ATF7: variants seen among roughly 807,000 people sequenced by gnomAD.
ATF7 encodes the protein cyclic AMP-dependent transcription factor ATF-7.
ATF7 carries 10 observed loss-of-function variants against 50.4 expected under a neutral mutation model. That is an observed-to-expected ratio of 0.20 (90% CI 0.12 to 0.34). The LOEUF is 0.34. Among genes scored for constraint, ATF7 ranks in the 10% least tolerant of loss-of-function variants. The pLI, the probability that ATF7 is intolerant of heterozygous loss-of-function variation, is 1.00. For synonymous variants in ATF7, 201 were observed against 226.4 expected (o/e 0.89, Z 1.01); for missense variants, 465 against 613.9 (o/e 0.76, Z 2.56).
intron 4 of ATF7, chr12:53,542,961 A>C (rs894559890): frequency 8.8e-7 from 1 of 1,141,232 alleles, no homozygotes; most frequent in Non-Finnish European, 1.1e-6. Context: ...TGATCAGCTC[A>C]GAAAAGAGTG....
chr12:53,531,915 A>C lies in ATF7; in HGVS notation c.775-19T>G. 6.2e-7 allele frequency: 1 copy of C among 1,612,376 alleles called. No individual in the cohort carries two copies. The highest frequency in any genetic ancestry group is 8.5e-7 in the Non-Finnish European group (1 of 1,179,442). On this transcript the variant is annotated intron_variant, in intron 8 of 11. Transcript: ENST00000420353. Reference sequence around the variant, plus strand: ...TCAGTCTCTGTGGGCAAAGATAAGAAAAAATGCTTGTTAAGGATCAGATTC... The same window carrying C: ...TCAGTCTCTGTGGGCAAAGATAAGACAAAATGCTTGTTAAGGATCAGATTC...
At chr12:53,601,245 C>T (rs1352228720) in intron 1 of ATF7, among the ~76,000 whole-genome samples, 4 of 152,142 alleles carry the variant, frequency 2.6e-5, no homozygotes, top group African/African-American at 4.8e-5. Flanking sequence ...TCTAAATAGT[C>T]AAGGAATTTC....
At chr12:53,586,390 G>A (rs888775634) in intron 2 of ATF7, among the ~76,000 whole-genome samples, 1 of 146,868 alleles carries the variant, frequency 6.8e-6, no homozygotes, top group South Asian at 2.2e-4. Context: ...AAAAATTAAT[G>A]TGCATAGATT....
chr12:53,537,219 C>A (rs1337753137), intron 5 of ATF7, among the ~76,000 whole-genome samples, 196 bp downstream of exon 5: 1 of 151,972 alleles, frequency 6.6e-6, no homozygotes, highest in Non-Finnish European at 1.5e-5. Context: ...CAGGCATGCT[C>A]CACCACGCCC....
chr12:53,570,018 G>C (rs1222717986), intron 2 of ATF7, among the ~76,000 whole-genome samples: 2 of 152,138 alleles, frequency 1.3e-5, no homozygotes, highest in African/African-American at 2.4e-5. Context: ...AGAGGCTTAT[G>C]AAGGTCTGAT....
rs1388983098 is a variant in ATF7, at chr12:53,513,467, C to T, written c.*3670G>A. On this transcript the variant is annotated 3_prime_UTR_variant, in exon 12 of 12. Transcript: ENST00000420353. ...ATCTGCCTTAGGATCCCCACCTTTCCTGTTCTTCCAGACACCCCCACCCCC... is the reference window on the plus strand; with the variant it reads ...ATCTGCCTTAGGATCCCCACCTTTCTTGTTCTTCCAGACACCCCCACCCCC... 6.6e-6 allele frequency: 1 copy of T among 152,110 alleles called. No individual in the cohort carries two copies. Among genetic ancestry groups the T allele is most frequent in the Non-Finnish European group, 1.5e-5 (1 of 68,024 alleles). 9.4% of individuals were successfully genotyped at this position (152,110 alleles called of 1,614,324 possible).
Position 53,531,336 on chromosome 12 carries a change from C to T in ATF7, c.927+408G>A, listed in dbSNP as rs189504531. Among the ~76,000 whole-genome samples the T allele has an allele frequency of 1.5e-3, 225 of 151,368 alleles. 1 individual carries two copies. Among genetic ancestry groups the T allele is most frequent in the Middle Eastern group, 3.4e-3 (1 of 294 alleles). On this transcript the variant is annotated intron_variant, in intron 9 of 11. Coordinates refer to ENST00000420353, the MANE Select transcript of ATF7 (RefSeq NM_006856.3). The stretch of plus-strand genomic sequence containing the variant: ...ACTCGGGAGGCTGAGGCAGAAGAAT[C>T]GCTTGAACCCGGGGGGCAGAGGTTG...
chr12:53,573,032 G>A (rs1304964447), intron 2 of ATF7, among the ~76,000 whole-genome samples: 2 of 147,218 alleles, frequency 1.4e-5, no homozygotes, highest in African/African-American at 5.1e-5. Context: ...TGATCTGCCC[G>A]CCTCGGCCTC....
chr12:53,587,095 G>A (rs1244473695), intron 2 of ATF7, among the ~76,000 whole-genome samples: 2 of 152,144 alleles, frequency 1.3e-5, no homozygotes, highest in South Asian at 2.1e-4. Context: ...TGCTGGGCAC[G>A]GTGGCTCACG....
chr12:53,580,180 C>G (rs1189059464), intron 2 of ATF7, among the ~76,000 whole-genome samples: 3 of 151,480 alleles, frequency 2.0e-5, no homozygotes, highest in Admixed American at 2.0e-4. Flanking sequence ...ATCCACCTGC[C>G]TTGGCCTCCC....
chr12:53,583,048 A>G (rs1406989907), intron 2 of ATF7, among the ~76,000 whole-genome samples: 3 of 152,216 alleles, frequency 2.0e-5, no homozygotes, highest in Non-Finnish European at 2.9e-5. Context: ...AAAAAAATGA[A>G]TCTAGACACA....
At chr12:53,552,774 G>C in intron 2 of ATF7, 137 bp from the exon 3 acceptor site, 2 of 670,524 alleles carry the variant, frequency 3.0e-6, no homozygotes, top group Non-Finnish European at 5.2e-6. Flanking sequence ...GAAAAAACTG[G>C]AAGAGGAGAA....
In ATF7 at chr12:53,531,730, T is replaced by C; in HGVS notation, c.927+14A>G. 6.2e-7 allele frequency: 1 copy of C among 1,605,162 alleles called. No individual in the cohort carries two copies. The highest frequency in any genetic ancestry group is 1.7e-4 in the Middle Eastern group (1 of 5,760). ...CGTCATAAAGATATGACATAAAGAG[T>C]AAGAGCCACTGACCTGTGGCTGGGC... is the stretch of plus-strand genomic sequence containing the variant. On this transcript the variant is annotated intron_variant, in intron 9 of 11. Transcript: ENST00000420353.
At chr12:53,549,717 C>T (rs923620552) in intron 3 of ATF7, among the ~76,000 whole-genome samples, 2 of 152,154 alleles carry the variant, frequency 1.3e-5, no homozygotes, top group Non-Finnish European at 2.9e-5. Context: ...TGCCGAGTAG[C>T]TGGGACTACA....
At chr12:53,535,483 A>G (rs1292963743) in intron 5 of ATF7, among the ~76,000 whole-genome samples, 1 of 152,104 alleles carries the variant, frequency 6.6e-6, no homozygotes, top group East Asian at 1.9e-4. Context: ...AACCACTGGC[A>G]GAGCAGTAGA....
intron 2 of ATF7, chr12:53,575,829 T>A (rs978297805): frequency 6.6e-6 from 1 of 152,646 alleles, no homozygotes; most frequent in African/African-American, 2.4e-5. Context: ...CAATTCTCAC[T>A]GCATATCAGA....
At chr12:53,619,411 C>T (rs1944280809) in intron 1 of ATF7, among the ~76,000 whole-genome samples, 1 of 147,230 alleles carries the variant, frequency 6.8e-6, no homozygotes, top group African/African-American at 2.5e-5. Flanking sequence ...TCCTTGAACC[C>T]AGGAGGCAGA....
intron 1 of ATF7, 84 bp from the exon 2 acceptor site, chr12:53,601,105 C>G (rs1943383934): frequency 9.8e-7 from 1 of 1,017,160 alleles, no homozygotes; most frequent in African/African-American, 1.6e-5. Context: ...AATATCAACC[C>G]TAGAAACAGG....
In ATF7 at chr12:53,580,473, G is replaced by T. The variant is rs561972070; in HGVS notation, c.48+20480C>A. Among the ~76,000 whole-genome samples, 151 of 149,770 alleles carry T rather than the reference G, an allele frequency of 1.0e-3. 4 individuals carry two copies. The highest frequency in any genetic ancestry group is 3.1e-4 in the Non-Finnish European group (21 of 67,478). On this transcript the variant is annotated intron_variant, in intron 2 of 11. Transcript: ENST00000420353. ...AGGTCAGGAGATCGAGACCATCCTG[G>T]CTAACACAGTGAAACCCCATCTCTA...
Sources: allele counts gnomAD v4.1 joint callset (sites outside exome capture counted in the v4.1 genomes callset), GRCh38; gene constraint gnomAD v4.1.1; transcripts MANE v1.5; gene names NCBI Gene and HGNC (gene_info 2026-07-23, HGNC 2026-07-21).